KIAA1217: variants seen among roughly 807,000 people sequenced by gnomAD.
KIAA1217 encodes the protein sickle tail protein homolog.
In KIAA1217, 88 loss-of-function variants were observed where a neutral mutation model predicts 163.9. The observed-to-expected ratio is 0.54, with a 90% CI of 0.45 to 0.64. The LOEUF is 0.64. Among genes scored for constraint, KIAA1217 ranks in the 30% least tolerant of loss-of-function variants. KIAA1217 has a pLI of 0.00. For synonymous variants in KIAA1217, 903 were observed against 923.1 expected, an observed-to-expected ratio of 0.98 and a Z score of 0.39; for missense variants, 2,372 against 2,475.0, an observed-to-expected ratio of 0.96 and a Z score of 0.88.
intron 2 of KIAA1217, among the ~76,000 whole-genome samples, chr10:24,131,755 G>A (rs1027509433): frequency 1.3e-5 from 2 of 152,160 alleles, no homozygotes; most frequent in African/African-American, 4.8e-5. Flanking sequence ...TGGGGGCATG[G>A]AAACTATCAT....
At chr10:24,256,540 G>A (rs535422737) in intron 2 of KIAA1217, among the ~76,000 whole-genome samples, 1 of 151,736 alleles carries the variant, frequency 6.6e-6, no homozygotes, top group Non-Finnish European at 1.5e-5. Context: ...AGAAACCTTG[G>A]GAAAAAAAAA....
intron 6 of KIAA1217, 78 bp from the exon 7 acceptor site, chr10:24,494,422 C>A: frequency 2.5e-6 from 3 of 1,196,422 alleles, no homozygotes; most frequent in Non-Finnish European, 3.7e-6. Context: ...CTTTTATAAC[C>A]CTCAGGTGGT....
chr10:24,347,465 CTT>C (rs747970686), intron 2 of KIAA1217, among the ~76,000 whole-genome samples: 9 of 152,144 alleles, frequency 5.9e-5, no homozygotes, highest in Non-Finnish European at 1.0e-4. Context: ...AAAAGAAAAA[CTT>C]TGTCATTTTT....
At chr10:23,921,080 G>C (rs951435931) in intron 1 of KIAA1217, among the ~76,000 whole-genome samples, 1 of 152,074 alleles carries the variant, frequency 6.6e-6, no homozygotes, top group Non-Finnish European at 1.5e-5. Flanking sequence ...CGAAGTCTCA[G>C]GTGTTTCTTC....
chr10:24,447,199 C>G (rs945094492), intron 5 of KIAA1217, among the ~76,000 whole-genome samples: 1 of 151,850 alleles, frequency 6.6e-6, no homozygotes, highest in Non-Finnish European at 1.5e-5. Context: ...TTTCCTTTCA[C>G]CATTTTATTC....
chr10:24,476,638 G>A (rs906056944), intron 6 of KIAA1217, among the ~76,000 whole-genome samples: 1 of 152,058 alleles, frequency 6.6e-6, no homozygotes, highest in Admixed American at 6.5e-5. Flanking sequence ...AATTTTACAT[G>A]TTCACATTTT....
At chr10:24,158,006 G>T (rs1015938690) in intron 2 of KIAA1217, 21 of 762,004 alleles carry the variant, frequency 2.8e-5, no homozygotes, top group Non-Finnish European at 4.7e-5. Context: ...CCCTTCAGTA[G>T]GAGTAGTGGA....
intron 2 of KIAA1217, among the ~76,000 whole-genome samples, chr10:24,237,512 A>G (rs1339559847): frequency 6.6e-6 from 1 of 152,176 alleles, no homozygotes; most frequent in Non-Finnish European, 1.5e-5. Flanking sequence ...AAGCTGAGAT[A>G]CTGTAATTTC....
At chr10:24,525,029 GT>G (rs1405088135) in intron 13 of KIAA1217, among the ~76,000 whole-genome samples, 2 of 151,798 alleles carry the variant, frequency 1.3e-5, no homozygotes, top group Non-Finnish European at 2.9e-5. Context: ...TGAGACAGCA[GT>G]GTGCTGGTAA....
At chr10:24,183,594 C>A (rs762650688) in intron 2 of KIAA1217, among the ~76,000 whole-genome samples, 1 of 152,198 alleles carries the variant, frequency 6.6e-6, no homozygotes. Context: ...AAAGTGGGTC[C>A]TTTGGTTGTC....
At position 24,547,821 on chromosome 10, in the gene KIAA1217, G is replaced by A. The variant is rs1344699996; in HGVS notation, c.*1497G>A. On this transcript the variant is annotated 3_prime_UTR_variant, in exon 21 of 21. Coordinates refer to ENST00000376454, the MANE Select transcript of KIAA1217 (RefSeq NM_019590.5). ...TTAAAAAACTTCCAGTAGAAGTAAAGTGGAAATAAAATGTCTTTATCACTT... is the reference window on the plus strand; with the variant it reads ...TTAAAAAACTTCCAGTAGAAGTAAAATGGAAATAAAATGTCTTTATCACTT... The A allele has an allele frequency of 6.6e-6, 1 of 152,118 alleles. No individual in the cohort carries two copies. 9.4% of individuals were successfully genotyped at this position (152,118 alleles called of 1,614,324 possible). A position where few individuals can be genotyped will look rare whatever the true frequency, so the allele number is the denominator to read the frequency against.
In KIAA1217 at chr10:24,370,779, A is replaced by T. The variant is rs548211546; in HGVS notation, c.355-10090A>T. Among the ~76,000 whole-genome samples, 6 of 152,112 alleles carry T rather than the reference A, an allele frequency of 3.9e-5. No homozygotes were observed. The East Asian group carries it at 1.2e-3, about 29-fold the overall frequency. ...CATGTTGGTTTTTTGTAGAGATGGG[A>T]CGTTGCCGAGGTTGGTCTCAAACTC... On this transcript the variant is annotated intron_variant, in intron 2 of 20. Coordinates refer to ENST00000376454, the MANE Select transcript of KIAA1217 (RefSeq NM_019590.5).
At chr10:24,198,460 T>G (rs993586086) in intron 2 of KIAA1217, among the ~76,000 whole-genome samples, 2 of 151,810 alleles carry the variant, frequency 1.3e-5, no homozygotes, top group Admixed American at 1.3e-4. Flanking sequence ...AATACAAAAA[T>G]TAGCCAGGCG....
chr10:23,803,699 A>G (rs1238196651), intron 1 of KIAA1217, among the ~76,000 whole-genome samples: 1 of 152,126 alleles, frequency 6.6e-6, no homozygotes, highest in Non-Finnish European at 1.5e-5. Context: ...CTCAATTTTA[A>G]ATCAGTGAAA....
chr10:24,242,796 G>A (rs2073264663), intron 2 of KIAA1217, among the ~76,000 whole-genome samples: 1 of 152,046 alleles, frequency 6.6e-6, no homozygotes, highest in African/African-American at 2.4e-5. Context: ...GGTGTGAGAT[G>A]GTATCTCATT....
intron 2 of KIAA1217, among the ~76,000 whole-genome samples, chr10:24,272,823 ATTC>A (rs1293400851): frequency 1.3e-5 from 2 of 152,222 alleles, no homozygotes; most frequent in Non-Finnish European, 2.9e-5. Context: ...TGAAGGAAGA[ATTC>A]TTCATTTCTT....
chr10:24,527,535 A>G (rs2072391984), intron 13 of KIAA1217, among the ~76,000 whole-genome samples: 1 of 151,640 alleles, frequency 6.6e-6, no homozygotes, highest in Non-Finnish European at 1.5e-5. Context: ...TGGTGGCTGA[A>G]CATGTGTAAT....
chr10:24,022,530 C>A (rs2131516474), intron 2 of KIAA1217, among the ~76,000 whole-genome samples: 1 of 151,806 alleles, frequency 6.6e-6, no homozygotes, highest in Admixed American at 6.6e-5. Flanking sequence ...AATGGTCCAG[C>A]CACTTTTGAA....
At chr10:23,824,117 C>G (rs1837755816) in intron 1 of KIAA1217, among the ~76,000 whole-genome samples, 1 of 151,700 alleles carries the variant, frequency 6.6e-6, no homozygotes, top group Non-Finnish European at 1.5e-5. Flanking sequence ...ACAAAAAATA[C>G]AAAAAATTAG....
Sources: allele counts gnomAD v4.1 joint callset (sites outside exome capture counted in the v4.1 genomes callset), GRCh38; gene constraint gnomAD v4.1.1; transcripts MANE v1.5; gene names NCBI Gene and HGNC (gene_info 2026-07-23, HGNC 2026-07-21).